Variants in LIN28B observed in about 807,000 individuals in gnomAD.
LIN28B encodes the protein protein lin-28 homolog B.
Under a neutral mutation model 21.9 loss-of-function variants are expected in LIN28B, and 5 were observed. The observed-to-expected ratio is 0.23, with a 90% CI of 0.12 to 0.48. LIN28B has a LOEUF of 0.48. Ranked by LOEUF, LIN28B falls within the 20% of genes least tolerant of loss-of-function variation. The probability of loss-of-function intolerance (pLI) is 0.98; values close to 1 mark genes in which losing one functional copy is unlikely to be tolerated. For synonymous variants in LIN28B, 109 were observed against 111.3 expected, an observed-to-expected ratio of 0.98 and a Z score of 0.13; for missense variants, 245 against 310.5, an observed-to-expected ratio of 0.79 and a Z score of 1.58.
At chr6:104,950,728 C>T (rs1472268697) in intron 3 of LIN28B, among the ~76,000 whole-genome samples, 1 of 151,862 alleles carries the variant, frequency 6.6e-6, no homozygotes, top group East Asian at 1.9e-4. Context: ...TCTAATTAAC[C>T]CCTTTCCCCC....
intron 3 of LIN28B, among the ~76,000 whole-genome samples, chr6:105,047,902 C>CTTAA (rs1200807302): frequency 1.3e-5 from 2 of 152,206 alleles, no homozygotes; most frequent in Non-Finnish European, 2.9e-5. Context: ...TGCTTATCGG[C>CTTAA]TTAAGGAGAT....
chr6:105,076,759 T>C (rs1257101291), intron 3 of LIN28B, among the ~76,000 whole-genome samples: 2 of 151,632 alleles, frequency 1.3e-5, no homozygotes, highest in Non-Finnish European at 2.9e-5. Flanking sequence ...GCGCGCGCCA[T>C]CATGCCCAGC....
chr6:104,974,047 TAGA>T (rs931682925), intron 2 of LIN28B, among the ~76,000 whole-genome samples: 1 of 152,222 alleles, frequency 6.6e-6, no homozygotes, highest in Non-Finnish European at 1.5e-5. Flanking sequence ...TATTTTTACC[TAGA>T]AGAAGGCTTT....
intron 2 of LIN28B, among the ~76,000 whole-genome samples, chr6:104,980,605 CTG>C (rs1402031916): frequency 6.6e-6 from 1 of 152,074 alleles, no homozygotes; most frequent in East Asian, 1.9e-4. Context: ...ATATTTAAAA[CTG>C]ATGTTAAAGG....
At chr6:105,048,894 G>C (rs1244200523) in intron 3 of LIN28B, among the ~76,000 whole-genome samples, 1 of 152,154 alleles carries the variant, frequency 6.6e-6, no homozygotes, top group Non-Finnish European at 1.5e-5. Context: ...GCGTCTATTT[G>C]ATTCTTCTCT....
At chr6:105,009,256 G>A (rs1161387786) in intron 2 of LIN28B, among the ~76,000 whole-genome samples, 1 of 152,140 alleles carries the variant, frequency 6.6e-6, no homozygotes, top group Non-Finnish European at 1.5e-5. Flanking sequence ...TTAGTTTTGA[G>A]TGTGTAATAG....
rs569851469 is a variant in LIN28B at position 105,039,416 on chromosome 6, G to A, written c.383+12934G>A. On this transcript the variant is annotated intron_variant, in intron 3 of 3. Coordinates refer to ENST00000345080, the MANE Select transcript of LIN28B (RefSeq NM_001004317.4). ...TGGCAGTTAAAGTGAACATATTAGA[G>A]CTACATCTCAAGGATAACTCCTTTT... Among the ~76,000 whole-genome samples, 10 of 152,220 alleles carry A rather than the reference G, an allele frequency of 6.6e-5. No homozygotes were observed. In the East Asian group the frequency reaches 1.7e-3, roughly 26 times the overall value.
intron 2 of LIN28B, among the ~76,000 whole-genome samples, chr6:105,016,122 C>T (rs539205707): frequency 1.3e-5 from 2 of 152,060 alleles, no homozygotes; most frequent in Non-Finnish European, 2.9e-5. Flanking sequence ...TATTAAGTAC[C>T]TCTTATTTTC....
intron 3 of LIN28B, among the ~76,000 whole-genome samples, chr6:105,063,903 AATT>A (rs1263628664): frequency 1.3e-5 from 2 of 149,404 alleles, no homozygotes; most frequent in African/African-American, 4.9e-5. Flanking sequence ...TAGTTATAAT[AATT>A]ATTATATTAT....
intron 2 of LIN28B, among the ~76,000 whole-genome samples, chr6:104,995,108 C>T (rs1380949605): frequency 6.6e-6 from 1 of 152,184 alleles, no homozygotes; most frequent in African/African-American, 2.4e-5. Context: ...TGTCCAAAAT[C>T]TCAAACACTT....
intron 2 of LIN28B, among the ~76,000 whole-genome samples, chr6:104,975,511 G>A (rs2114596946): frequency 6.6e-6 from 1 of 152,200 alleles, no homozygotes; most frequent in Non-Finnish European, 1.5e-5. Context: ...TCTCTACCAA[G>A]CCTTCTGTTC....
At chr6:105,039,618 A>G (rs1486589309) in intron 3 of LIN28B, among the ~76,000 whole-genome samples, 1 of 152,098 alleles carries the variant, frequency 6.6e-6, no homozygotes, top group Non-Finnish European at 1.5e-5. Context: ...GAGAGTACTT[A>G]CTCTTAAGAG....
chr6:105,056,725 A>G (rs1210677110), intron 3 of LIN28B, among the ~76,000 whole-genome samples: 1 of 152,138 alleles, frequency 6.6e-6, no homozygotes, highest in East Asian at 1.9e-4. Context: ...ATTTGCACAG[A>G]TCTCTTCTCT....
intron 3 of LIN28B, among the ~76,000 whole-genome samples, chr6:105,049,077 C>G (rs1771835615): frequency 6.6e-6 from 1 of 152,130 alleles, no homozygotes; most frequent in African/African-American, 2.4e-5. Context: ...TCTGTTTGCT[C>G]TTGCTTCTCT....
chr6:105,032,541 A>G (rs1171270679), intron 3 of LIN28B, among the ~76,000 whole-genome samples: 1 of 152,048 alleles, frequency 6.6e-6, no homozygotes, highest in African/African-American at 2.4e-5. Flanking sequence ...CCTGGGCAAC[A>G]TGGAGAAACC....
intron 2 of LIN28B, among the ~76,000 whole-genome samples, chr6:105,015,246 C>T (rs1771003727): frequency 6.6e-6 from 1 of 152,102 alleles, no homozygotes; most frequent in African/African-American, 2.4e-5. Flanking sequence ...GTTATGCCTT[C>T]TTAATGAGTT....
rs552076818 is a variant in LIN28B, at chr6:105,002,270, C to T, written c.199-24028C>T. Among the ~76,000 whole-genome samples the T allele has an allele frequency of 2.7e-5, 4 of 149,540 alleles. No individual in the cohort carries two copies. In the East Asian group the frequency reaches 7.8e-4, roughly 29 times the overall value. Reference sequence around the variant, plus strand: ...CTCCTGTGGCATATAAGATCCTGCTCTCTGATACATAGATTGGAAGATGAA... The same window carrying T: ...CTCCTGTGGCATATAAGATCCTGCTTTCTGATACATAGATTGGAAGATGAA... On this transcript the variant is annotated intron_variant, in intron 2 of 3. Transcript: ENST00000345080.
chr6:105,061,990 C>T (rs1223008564), intron 3 of LIN28B, among the ~76,000 whole-genome samples: 1 of 152,142 alleles, frequency 6.6e-6, no homozygotes, highest in Non-Finnish European at 1.5e-5. Context: ...CCTTCCTAAA[C>T]ATGTCCTCTA....
At chr6:105,042,275 T>C (rs1212425701) in intron 3 of LIN28B, among the ~76,000 whole-genome samples, 1 of 152,158 alleles carries the variant, frequency 6.6e-6, no homozygotes, top group Non-Finnish European at 1.5e-5. Context: ...GATTACAGAG[T>C]AGCCAGTCTG....
Sources: allele counts gnomAD v4.1 joint callset (sites outside exome capture counted in the v4.1 genomes callset), GRCh38; gene constraint gnomAD v4.1.1; transcripts MANE v1.5; gene names NCBI Gene and HGNC (gene_info 2026-07-23, HGNC 2026-07-21).